KCTD8: variants seen among roughly 807,000 people sequenced by gnomAD.
KCTD8 encodes the protein BTB/POZ domain-containing protein KCTD8.
KCTD8 carries 27 observed loss-of-function variants against 31.5 expected under a neutral mutation model. The observed-to-expected ratio is 0.86, with a 90% CI of 0.63 to 1.18. The LOEUF (loss-of-function observed/expected upper bound fraction) is 1.18, where lower values mean the gene tolerates loss of function less well. KCTD8 is among the 50% of genes most tolerant of loss of function. KCTD8 has a pLI of 0.00. For missense variants in KCTD8, 658 were observed against 647.7 expected, an observed-to-expected ratio of 1.02 and a Z score of -0.17; for synonymous variants, 290 against 280.0, an observed-to-expected ratio of 1.04 and a Z score of -0.36.
chr4:44,385,158 C>T (rs1720176967), intron 1 of KCTD8, among the ~76,000 whole-genome samples: 1 of 151,574 alleles, frequency 6.6e-6, no homozygotes, highest in African/African-American at 2.4e-5. Context: ...GTTAGGTAGA[C>T]ACTTTAATGC....
chr4:44,318,370 A>G (rs1346012873), intron 1 of KCTD8, among the ~76,000 whole-genome samples: 1 of 152,216 alleles, frequency 6.6e-6, no homozygotes, highest in Non-Finnish European at 1.5e-5. Context: ...AGCTGAGACT[A>G]GAAGTGCATG....
At chr4:44,327,375 C>T (rs1002961405) in intron 1 of KCTD8, among the ~76,000 whole-genome samples, 3 of 151,836 alleles carry the variant, frequency 2.0e-5, no homozygotes, top group Non-Finnish European at 4.4e-5. Context: ...GTCTTACTAT[C>T]TCTATTTCCT....
chr4:44,394,772 T>A (rs1198799677), intron 1 of KCTD8, among the ~76,000 whole-genome samples: 1 of 152,126 alleles, frequency 6.6e-6, no homozygotes, highest in Non-Finnish European at 1.5e-5. Context: ...AAAACTTTAC[T>A]TGATTCAGTG....
At chr4:44,366,074 T>C (rs1197195611) in intron 1 of KCTD8, among the ~76,000 whole-genome samples, 4 of 152,190 alleles carry the variant, frequency 2.6e-5, no homozygotes, top group African/African-American at 9.7e-5. Context: ...CATAAATATA[T>C]TTATATGTGT....
chr4:44,336,452 G>A (rs1185243813), intron 1 of KCTD8, among the ~76,000 whole-genome samples: 1 of 151,686 alleles, frequency 6.6e-6, no homozygotes, highest in East Asian at 1.9e-4. Context: ...TTAGGGTAAG[G>A]AAGCCTATCA....
At chr4:44,348,982 C>T (rs1024798480) in intron 1 of KCTD8, among the ~76,000 whole-genome samples, 2 of 151,990 alleles carry the variant, frequency 1.3e-5, no homozygotes, top group Non-Finnish European at 2.9e-5. Context: ...TGAAACTGCA[C>T]ATTTATAAGG....
intron 1 of KCTD8, among the ~76,000 whole-genome samples, chr4:44,311,623 C>T (rs540559293): frequency 9.1e-4 from 139 of 152,038 alleles, no homozygotes; most frequent in African/African-American, 3.3e-3. Context: ...TGAAGATATA[C>T]AGTATTTAAC....
chr4:44,335,966 C>T (rs1374869727), intron 1 of KCTD8, among the ~76,000 whole-genome samples: 2 of 150,584 alleles, frequency 1.3e-5, no homozygotes, highest in African/African-American at 2.4e-5. Flanking sequence ...CTGGCTAAAA[C>T]GGTGAAACCC....
chr4:44,355,405 G>A (rs901060262), intron 1 of KCTD8, among the ~76,000 whole-genome samples: 20 of 151,744 alleles, frequency 1.3e-4, no homozygotes, highest in African/African-American at 2.7e-4. Flanking sequence ...TTTTTCTTTC[G>A]TCTTTTCCTC....
chr4:44,244,108 G>A (rs1715582979), intron 1 of KCTD8, among the ~76,000 whole-genome samples: 1 of 152,094 alleles, frequency 6.6e-6, no homozygotes, highest in African/African-American at 2.4e-5. Context: ...AATTTGACTG[G>A]GCATTTGTAT....
chr4:44,435,923 G>A (rs1721633267), intron 1 of KCTD8, among the ~76,000 whole-genome samples: 1 of 152,070 alleles, frequency 6.6e-6, no homozygotes, highest in Admixed American at 6.6e-5. Context: ...CCTTTCCTCT[G>A]TGAACAATAT....
At chr4:44,280,608 C>A in intron 1 of KCTD8, among the ~76,000 whole-genome samples, 1 of 152,052 alleles carries the variant, frequency 6.6e-6, no homozygotes, top group East Asian at 1.9e-4. Flanking sequence ...ACTATCACAG[C>A]GAATCAAATT....
chr4:44,408,424 C>T (rs1165324202), intron 1 of KCTD8, among the ~76,000 whole-genome samples: 2 of 152,034 alleles, frequency 1.3e-5, no homozygotes, highest in Admixed American at 1.3e-4. Context: ...ATAATCTATA[C>T]CTGAGATATC....
chr4:44,301,666 T>C (rs1290615278), intron 1 of KCTD8, among the ~76,000 whole-genome samples: 4 of 152,198 alleles, frequency 2.6e-5, no homozygotes, highest in South Asian at 2.1e-4. Flanking sequence ...ATTTCATAGG[T>C]TGCCTGTTCA....
intron 1 of KCTD8, among the ~76,000 whole-genome samples, chr4:44,314,904 A>C (rs1277872363): frequency 1.3e-5 from 2 of 150,570 alleles, no homozygotes; most frequent in African/African-American, 2.4e-5. Context: ...AAAAAAAAAA[A>C]CTTATACTCC....
At chr4:44,376,166 T>C (rs376734897) in intron 1 of KCTD8, among the ~76,000 whole-genome samples, 2 of 152,256 alleles carry the variant, frequency 1.3e-5, no homozygotes, top group South Asian at 2.1e-4. Context: ...GGACCGTGCA[T>C]GTTCCTTTCC....
At chr4:44,384,901 G>A (rs542528111) in intron 1 of KCTD8, among the ~76,000 whole-genome samples, 15 of 151,278 alleles carry the variant, frequency 9.9e-5, no homozygotes, top group East Asian at 7.8e-4. Context: ...CAGGGTATCC[G>A]CATAAATATG....
intron 1 of KCTD8, among the ~76,000 whole-genome samples, chr4:44,410,861 A>T (rs1720936196): frequency 6.6e-6 from 1 of 152,154 alleles, no homozygotes; most frequent in African/African-American, 2.4e-5. Context: ...TTGGGTGGGG[A>T]CACAGCCAAA....
chr4:44,374,327 C>T (rs150574245), intron 1 of KCTD8, among the ~76,000 whole-genome samples: 18 of 152,246 alleles, frequency 1.2e-4, no homozygotes, highest in Admixed American at 1.3e-4. Context: ...GCCATTCTCT[C>T]GGCCTTCACA....
Sources: gnomAD v4.1 joint callset for allele counts (sites outside exome capture counted in the v4.1 genomes callset) on GRCh38, gnomAD v4.1.1 for gene constraint, MANE v1.5 for transcripts, NCBI Gene and HGNC (gene_info 2026-07-23, HGNC 2026-07-21) for gene names.